PTPRZ1: variants seen among roughly 807,000 people sequenced by gnomAD.
PTPRZ1 encodes the protein receptor-type tyrosine-protein phosphatase zeta.
In PTPRZ1, 82 loss-of-function variants were observed where a neutral mutation model predicts 214.1. That is an observed-to-expected ratio of 0.38 (90% confidence interval 0.32 to 0.46). PTPRZ1 has a LOEUF of 0.46. Among genes scored for constraint, PTPRZ1 ranks in the 20% least tolerant of loss-of-function variants. The pLI, the probability that PTPRZ1 is intolerant of heterozygous loss-of-function variation, is 1.00. For synonymous variants in PTPRZ1, 945 were observed against 987.9 expected, an observed-to-expected ratio of 0.96 and a Z score of 0.81; for missense variants, 2,603 against 2,748.7, an observed-to-expected ratio of 0.95 and a Z score of 1.19.
At chr7:122,027,852 A>G (rs990614042) in intron 13 of PTPRZ1, among the ~76,000 whole-genome samples, 1 of 152,154 alleles carries the variant, frequency 6.6e-6, no homozygotes, top group Non-Finnish European at 1.5e-5. Flanking sequence ...CGAAACCCTC[A>G]TCAACAAGAC....
At position 121,976,279 on chromosome 7, in the gene PTPRZ1, TA is replaced by T. The variant is rs1386113495; in HGVS notation, c.552+12del. The T allele has an allele frequency of 7.2e-7, 1 of 1,398,550 alleles. No homozygotes were observed. Among genetic ancestry groups the T allele is most frequent in the Non-Finnish European group, 1.0e-6 (1 of 1,000,026 alleles). The allele number at this position is 1,398,550 out of a possible 1,614,324, so 86.6% of individuals were successfully genotyped here. Reference sequence around the variant, plus strand: ...TCCATTTTGTTTGAGGTAATATATATACACTTTACACTAATGTAATTCCTTT... The same window carrying T: ...TCCATTTTGTTTGAGGTAATATATATCACTTTACACTAATGTAATTCCTTT... On this transcript the variant is annotated intron_variant, in intron 5 of 29. Transcript: ENST00000393386.
At chr7:121,956,809 C>A (rs1389323244) in intron 2 of PTPRZ1, among the ~76,000 whole-genome samples, 1 of 152,216 alleles carries the variant, frequency 6.6e-6, no homozygotes. Context: ...GTCAGGAAAT[C>A]TTTCCTCCTG....
chr7:122,014,414 CTTTA>C (rs906154230), intron 12 of PTPRZ1, among the ~76,000 whole-genome samples: 1 of 151,822 alleles, frequency 6.6e-6, no homozygotes, highest in Non-Finnish European at 1.5e-5. Context: ...GCTTGGGGAG[CTTTA>C]TTTATTATTA....
chr7:122,039,274 T>C (rs952392541), intron 19 of PTPRZ1, among the ~76,000 whole-genome samples, 180 bp from the exon 20 acceptor site: 2 of 152,184 alleles, frequency 1.3e-5, no homozygotes, highest in African/African-American at 2.4e-5. Context: ...CGTTCAGCTC[T>C]CAGATTCTAT....
intron 1 of PTPRZ1, among the ~76,000 whole-genome samples, chr7:121,921,971 G>C (rs1169792279): frequency 6.6e-6 from 1 of 152,092 alleles, no homozygotes; most frequent in Admixed American, 6.6e-5. Flanking sequence ...TTCCAGATGG[G>C]TAAAGATAGG....
intron 8 of PTPRZ1, among the ~76,000 whole-genome samples, chr7:121,987,864 T>C (rs1009282615): frequency 2.6e-5 from 4 of 152,218 alleles, no homozygotes; most frequent in Admixed American, 6.5e-5. Flanking sequence ...TCATGTTTTT[T>C]TGCAGCAAGA....
chr7:121,940,795 A>C (rs569284763), intron 2 of PTPRZ1, among the ~76,000 whole-genome samples: 1 of 150,152 alleles, frequency 6.7e-6, no homozygotes, highest in Non-Finnish European at 1.5e-5. Context: ...TCTCCCCATC[A>C]CCTGCCAAAT....
At chr7:121,953,865 A>G (rs1480173170) in intron 2 of PTPRZ1, among the ~76,000 whole-genome samples, 1 of 152,078 alleles carries the variant, frequency 6.6e-6, no homozygotes, top group Non-Finnish European at 1.5e-5. Context: ...TCATTGTACA[A>G]TGGCCGTAAA....
chr7:122,045,598 G>A (rs542367967), intron 23 of PTPRZ1, among the ~76,000 whole-genome samples: 11 of 151,872 alleles, frequency 7.2e-5, no homozygotes, highest in African/African-American at 2.7e-4. Flanking sequence ...CCTTAGGGGG[G>A]AAAAGAGTAT....
intron 1 of PTPRZ1, chr7:121,909,006 C>T (rs957518192): frequency 2.1e-5 from 11 of 511,908 alleles, no homozygotes; most frequent in East Asian, 5.5e-5. Context: ...TCTGATTATT[C>T]GATGTATTAG....
At position 122,028,022 on chromosome 7, in the gene PTPRZ1, T is replaced by A. The variant is rs559491904; in HGVS notation, c.4989-530T>A. 2.0e-5 allele frequency among the ~76,000 whole-genome samples: 3 copies of A among 152,326 alleles called. No individual in the cohort carries two copies. In the East Asian group the frequency reaches 5.8e-4, roughly 29 times the overall value. On this transcript the variant is annotated intron_variant, in intron 13 of 29. Transcript: ENST00000393386. Reference sequence around the variant, plus strand: ...GTTTCATTTCTACGTAGTTCATAGTTCATTTCTATGTACTATGGACTGTGT... The same window carrying A: ...GTTTCATTTCTACGTAGTTCATAGTACATTTCTATGTACTATGGACTGTGT...
chr7:121,955,591 A>G (rs572466720), intron 2 of PTPRZ1, among the ~76,000 whole-genome samples: 4 of 152,332 alleles, frequency 2.6e-5, no homozygotes, highest in South Asian at 2.1e-4. Context: ...GTTAGTTAAC[A>G]TTGAGGGCAG....
chr7:122,060,803 C>T (rs1407182753), intron 29 of PTPRZ1, among the ~76,000 whole-genome samples: 1 of 152,192 alleles, frequency 6.6e-6, no homozygotes, highest in Non-Finnish European at 1.5e-5. Context: ...AACCCTGTCT[C>T]ATCACCTTCT....
At chr7:121,892,679 C>CAT (rs58030102) in intron 1 of PTPRZ1, among the ~76,000 whole-genome samples, 2,179 of 97,244 alleles carry the variant, frequency 0.022, 74 homozygotes, top group Middle Eastern at 0.04. Context: ...TCAAGCATCT[C>CAT]ATATATATAT....
intron 10 of PTPRZ1, among the ~76,000 whole-genome samples, chr7:122,002,734 T>C (rs1798368101): frequency 6.6e-6 from 1 of 152,176 alleles, no homozygotes; most frequent in African/African-American, 2.4e-5. Context: ...TTTTTAAAAA[T>C]TTTGAACACC....
chr7:121,939,754 G>C (rs952204191), intron 2 of PTPRZ1, among the ~76,000 whole-genome samples: 1 of 152,200 alleles, frequency 6.6e-6, no homozygotes, highest in Non-Finnish European at 1.5e-5. Context: ...CTAGGCATCA[G>C]AGATGCAGTG....
At chr7:121,973,151 A>C (rs1376432142) in intron 4 of PTPRZ1, among the ~76,000 whole-genome samples, 1 of 152,146 alleles carries the variant, frequency 6.6e-6, no homozygotes. Flanking sequence ...TAAGAATTTT[A>C]AATGATTTAC....
Position 121,893,726 on chromosome 7 carries a change from G to GT in PTPRZ1, c.58+20176dup, listed in dbSNP as rs370132417. Reference sequence around the variant, plus strand: ...ATTTCATTAAAATATGTTTTGACAGGTTTTTTTCTGTTATTCACCATGCAT... The same window carrying GT: ...ATTTCATTAAAATATGTTTTGACAGGTTTTTTTTCTGTTATTCACCATGCAT... On this transcript the variant is annotated intron_variant, in intron 1 of 29. Coordinates refer to ENST00000393386, the MANE Select transcript of PTPRZ1 (RefSeq NM_002851.3). 3.0e-4 allele frequency among the ~76,000 whole-genome samples: 46 copies of GT among 152,166 alleles called. No homozygotes were observed. In the Middle Eastern group the frequency reaches 0.014, roughly 45 times the overall value.
chr7:121,881,616 G>C (rs777090527), intron 1 of PTPRZ1, among the ~76,000 whole-genome samples: 3 of 152,166 alleles, frequency 2.0e-5, no homozygotes, highest in Non-Finnish European at 2.9e-5. Flanking sequence ...ACAAGACAAA[G>C]GTCCTGGAAA....
Sources: allele counts gnomAD v4.1 joint callset (sites outside exome capture counted in the v4.1 genomes callset), GRCh38; gene constraint gnomAD v4.1.1; transcripts MANE v1.5; gene names NCBI Gene and HGNC (gene_info 2026-07-23, HGNC 2026-07-21).